The following ZNF521 variants were observed in gnomAD, a reference collection of about 807,000 sequenced individuals.
The protein encoded by ZNF521 is LYST-interacting protein 3.
In ZNF521, 14 loss-of-function variants were observed where a neutral mutation model predicts 105.5. The observed-to-expected ratio is 0.13, with a 90% confidence interval of 0.09 to 0.21. ZNF521 has a LOEUF of 0.21. ZNF521 is among the 10% of genes least tolerant of loss of function. The pLI is 1.00. For missense variants in ZNF521, 1,233 were observed against 1,629.7 expected (o/e 0.76, Z 4.19); for synonymous variants, 635 against 606.0 (o/e 1.05, Z -0.70).
Position 25,148,739 on chromosome 18 carries a change from TAA to T in ZNF521, c.3658+46419_3658+46420del, listed in dbSNP as rs536200762. The stretch of plus-strand genomic sequence containing the variant: ...GGATTGGTTTTCAGAGCATTCGAAT[TAA>T]AAAAAAAAGTCTTTTCACTTGTCAT... On this transcript the variant is annotated intron_variant, in intron 5 of 7. Transcript: ENST00000361524. Among the ~76,000 whole-genome samples the T allele has an allele frequency of 5.1e-3, 757 of 149,384 alleles. 5 individuals are homozygous for T. Among genetic ancestry groups the T allele is most frequent in the African/African-American group, 0.018 (727 of 40,654 alleles).
At chr18:25,334,007 T>G (rs1014704776) in intron 2 of ZNF521, among the ~76,000 whole-genome samples, 1 of 152,144 alleles carries the variant, frequency 6.6e-6, no homozygotes, top group African/African-American at 2.4e-5. Context: ...CCTTTGAAAG[T>G]CTACTCAACC....
intron 2 of ZNF521, among the ~76,000 whole-genome samples, chr18:25,333,792 T>C (rs1210756018): frequency 6.6e-6 from 1 of 152,150 alleles, no homozygotes; most frequent in Non-Finnish European, 1.5e-5. Flanking sequence ...CAGTGGGAAA[T>C]ATGAATTTGT....
In ZNF521 at chr18:25,193,353, A is replaced by G. The variant is rs973005440; in HGVS notation, c.3658+1807T>C. Among the ~76,000 whole-genome samples the G allele has an allele frequency of 2.0e-5, 3 of 152,206 alleles. No homozygotes were observed. In the East Asian group the frequency reaches 5.8e-4, roughly 29 times the overall value. ...GAAAATATATTCAACATATTCATCTATGTACTGGGACAAATAATAAATCCA... is the reference window on the plus strand; with the variant it reads ...GAAAATATATTCAACATATTCATCTGTGTACTGGGACAAATAATAAATCCA... On this transcript the variant is annotated intron_variant, in intron 5 of 7. Transcript: ENST00000361524.
chr18:25,301,501 CTACACA>C (rs1236302569), intron 3 of ZNF521, among the ~76,000 whole-genome samples: 2 of 152,204 alleles, frequency 1.3e-5, no homozygotes, highest in Non-Finnish European at 2.9e-5. Context: ...ACAACACTCC[CTACACA>C]GAGTTGACTT....
intron 5 of ZNF521, among the ~76,000 whole-genome samples, chr18:25,134,808 C>T (rs528782044): frequency 3.5e-4 from 54 of 152,170 alleles, no homozygotes; most frequent in African/African-American, 1.2e-3. Context: ...TCCAGCTCAA[C>T]ACTTTGCAGC....
At chr18:25,286,545 T>G (rs929174834) in intron 3 of ZNF521, among the ~76,000 whole-genome samples, 1 of 152,178 alleles carries the variant, frequency 6.6e-6, no homozygotes, top group Non-Finnish European at 1.5e-5. Context: ...CAATCTTAGC[T>G]ACTATTTTAT....
At chr18:25,152,032 C>A (rs1008223527) in intron 5 of ZNF521, among the ~76,000 whole-genome samples, 6 of 152,088 alleles carry the variant, frequency 3.9e-5, no homozygotes, top group African/African-American at 1.4e-4. Context: ...ACACAGATCT[C>A]CCAGAGTATT....
At chr18:25,242,951 G>T (rs1033824815) in intron 3 of ZNF521, among the ~76,000 whole-genome samples, 2 of 152,162 alleles carry the variant, frequency 1.3e-5, no homozygotes, top group Admixed American at 1.3e-4. Flanking sequence ...TTCAACAAAA[G>T]AACCCCAAAT....
intron 3 of ZNF521, among the ~76,000 whole-genome samples, chr18:25,299,596 A>G (rs946093606): frequency 6.6e-6 from 1 of 152,336 alleles, no homozygotes; most frequent in East Asian, 1.9e-4. Context: ...TGATTGCCCA[A>G]TACTGGTCAG....
At chr18:25,321,686 G>T (rs1035462543) in intron 3 of ZNF521, among the ~76,000 whole-genome samples, 2 of 152,122 alleles carry the variant, frequency 1.3e-5, no homozygotes, top group Admixed American at 6.5e-5. Flanking sequence ...CTTTGAAAAG[G>T]TATTCAAAGG....
At chr18:25,318,395 G>C (rs995356868) in intron 3 of ZNF521, among the ~76,000 whole-genome samples, 3 of 152,038 alleles carry the variant, frequency 2.0e-5, no homozygotes, top group Admixed American at 6.5e-5. Context: ...GTGTCACATA[G>C]GTGTATTTAT....
chr18:25,085,007 T>C (rs1223076090), intron 7 of ZNF521, among the ~76,000 whole-genome samples: 1 of 152,126 alleles, frequency 6.6e-6, no homozygotes, highest in African/African-American at 2.4e-5. Context: ...TGAGGTCTAT[T>C]AGGAAAACAT....
chr18:25,103,007 T>C (rs2033997602), intron 5 of ZNF521, among the ~76,000 whole-genome samples: 1 of 152,140 alleles, frequency 6.6e-6, no homozygotes, highest in African/African-American at 2.4e-5. Flanking sequence ...TGTTAAAGTC[T>C]CTCTCACCCC....
intron 5 of ZNF521, among the ~76,000 whole-genome samples, chr18:25,142,477 C>T (rs2034867872): frequency 6.6e-6 from 1 of 152,138 alleles, no homozygotes; most frequent in Non-Finnish European, 1.5e-5. Context: ...AATGGAATGA[C>T]AGCTAATTAA....
At chr18:25,185,877 C>T (rs2144605572) in intron 5 of ZNF521, among the ~76,000 whole-genome samples, 1 of 152,204 alleles carries the variant, frequency 6.6e-6, no homozygotes. Context: ...TTAAAACATC[C>T]TTTGAGAGTG....
intron 3 of ZNF521, among the ~76,000 whole-genome samples, chr18:25,236,287 G>A (rs1906884422): frequency 6.6e-6 from 1 of 152,202 alleles, no homozygotes; most frequent in African/African-American, 2.4e-5. Flanking sequence ...TGTAATCCCA[G>A]CACTTTGGGA....
At chr18:25,327,760 A>C (rs1913313203) in intron 2 of ZNF521, 1 of 505,400 alleles carries the variant, frequency 2.0e-6, no homozygotes. Context: ...AGCAGACTCT[A>C]ATGAAGGAAG....
chr18:25,239,587 T>C (rs1177644809), intron 3 of ZNF521, among the ~76,000 whole-genome samples: 1 of 152,238 alleles, frequency 6.6e-6, no homozygotes, highest in Non-Finnish European at 1.5e-5. Context: ...GAGCTTCCTA[T>C]ATTCAGCAAT....
intron 5 of ZNF521, among the ~76,000 whole-genome samples, chr18:25,187,069 G>T (rs2144610443): frequency 6.6e-6 from 1 of 152,230 alleles, no homozygotes; most frequent in South Asian, 2.1e-4. Flanking sequence ...GCCTCACTGT[G>T]CTCTGTGGAA....
Sources: gnomAD v4.1 joint callset for allele counts (sites outside exome capture counted in the v4.1 genomes callset) on GRCh38, gnomAD v4.1.1 for gene constraint, MANE v1.5 for transcripts, NCBI Gene and HGNC (gene_info 2026-07-23, HGNC 2026-07-21) for gene names.